The following FAM81A variants were observed in gnomAD, a reference collection of about 807,000 sequenced individuals.
FAM81A encodes protein FAM81A.
A neutral mutation model predicts 46.7 loss-of-function variants in FAM81A; 19 were observed. The observed-to-expected ratio is 0.41, with a 90% CI of 0.28 to 0.60. The LOEUF (loss-of-function observed/expected upper bound fraction) is 0.60, where lower values mean the gene tolerates loss of function less well. FAM81A is among the 20% of genes least tolerant of loss of function. FAM81A has a pLI of 0.34. For missense variants in FAM81A, 377 were observed against 453.5 expected (o/e 0.83, Z 1.53); for synonymous variants, 183 against 152.9 (o/e 1.20, Z -1.45).
At chr15:59,502,308 A>G (rs2082100195) in intron 4 of FAM81A, among the ~76,000 whole-genome samples, 1 of 151,752 alleles carries the variant, frequency 6.6e-6, no homozygotes, top group East Asian at 1.9e-4. Flanking sequence ...CATTAGGTAT[A>G]TCTCCTAAAG....
rs534083582 is a variant in FAM81A, at chr15:59,449,730, C to A, written c.-77-8820C>A. On this transcript the variant is annotated intron_variant, in intron 1 of 8. Transcript: ENST00000288228. ...CCGGGAAGCGGAGCTTGCAGTGAGC[C>A]GAGATCGCGCCACTGCACTCCAGCC... 2.8e-4 allele frequency among the ~76,000 whole-genome samples: 36 copies of A among 128,488 alleles called. 1 individual carries two copies. The South Asian group carries it at 8.6e-3, about 31-fold the overall frequency. 84.3% of individuals were successfully genotyped at this position (128,488 alleles called of 152,430 possible).
chr15:59,484,531 C>T (rs758331888), intron 3 of FAM81A, among the ~76,000 whole-genome samples: 18 of 152,164 alleles, frequency 1.2e-4, no homozygotes, highest in African/African-American at 1.4e-4. Context: ...CCACATGGCC[C>T]GGAGAGAGAA....
At chr15:59,417,391 A>AACAT (rs1192551974) in intron 2 of FAM81A, among the ~76,000 whole-genome samples, 5 of 151,860 alleles carry the variant, frequency 3.3e-5, no homozygotes, top group Non-Finnish European at 7.4e-5. Flanking sequence ...AAAACAAACA[A>AACAT]ACAAACAAAC....
At chr15:59,487,698 G>A (rs958758961) in intron 3 of FAM81A, among the ~76,000 whole-genome samples, 4 of 151,948 alleles carry the variant, frequency 2.6e-5, no homozygotes, top group African/African-American at 7.3e-5. Flanking sequence ...TACCACAATT[G>A]AATAATGAAG....
At chr15:59,452,911 C>T (rs1289226287) in intron 1 of FAM81A, among the ~76,000 whole-genome samples, 5 of 152,090 alleles carry the variant, frequency 3.3e-5, no homozygotes, top group African/African-American at 1.2e-4. Context: ...TGCAGGCATA[C>T]ACCAACATGC....
At chr15:59,412,135 T>C (rs982221104) in intron 2 of FAM81A, among the ~76,000 whole-genome samples, 1 of 152,052 alleles carries the variant, frequency 6.6e-6, no homozygotes, top group Non-Finnish European at 1.5e-5. Flanking sequence ...GATCTGCATG[T>C]GGGCCCAGCT....
intron 4 of FAM81A, among the ~76,000 whole-genome samples, chr15:59,492,640 C>T (rs889416292): frequency 6.6e-6 from 1 of 152,020 alleles, no homozygotes. Context: ...ACTCAGCTGA[C>T]CTTGTAATTT....
chr15:59,492,452 G>T, intron 4 of FAM81A, 63 bp downstream of exon 4: 1 of 1,246,342 alleles, frequency 8.0e-7, no homozygotes, highest in Non-Finnish European at 1.1e-6. Flanking sequence ...CTCCATTATA[G>T]TGGGGAATAT....
At position 59,519,950 on chromosome 15, in the gene FAM81A, T is replaced by A. The variant is rs190845311; in HGVS notation, c.983-1304T>A. Reference sequence around the variant, plus strand: ...CCAGTAGTGAGATTGCTGGGTCGTATGGTAGTTCTATTTTAAATTTCTTTA... The same window carrying A: ...CCAGTAGTGAGATTGCTGGGTCGTAAGGTAGTTCTATTTTAAATTTCTTTA... On this transcript the variant is annotated intron_variant, in intron 8 of 8. Coordinates refer to ENST00000288228, the MANE Select transcript of FAM81A (RefSeq NM_152450.3). Among the ~76,000 whole-genome samples the A allele has an allele frequency of 1.8e-3, 275 of 152,292 alleles. 1 individual carries two copies. The highest frequency in any genetic ancestry group is 6.3e-3 in the African/African-American group (260 of 41,562).
intron 1 of FAM81A, chr15:59,401,768 G>C: frequency 1.6e-6 from 1 of 628,706 alleles, no homozygotes; most frequent in Non-Finnish European, 2.8e-6. Context: ...AGTCTTTTCA[G>C]CATTTTTTTT....
At chr15:59,497,332 G>T (rs1361358521) in intron 4 of FAM81A, among the ~76,000 whole-genome samples, 1 of 151,502 alleles carries the variant, frequency 6.6e-6, no homozygotes, top group Non-Finnish European at 1.5e-5. Context: ...TGTAATCCCA[G>T]CTACTCGGGT....
intron 1 of FAM81A, among the ~76,000 whole-genome samples, chr15:59,453,799 A>G (rs1165145610): frequency 6.6e-6 from 1 of 152,054 alleles, no homozygotes; most frequent in Non-Finnish European, 1.5e-5. Context: ...GGAAGAGGGT[A>G]GGGAGGGAGG....
intron 1 of FAM81A, among the ~76,000 whole-genome samples, chr15:59,399,008 A>G (rs930562439): frequency 7.2e-5 from 11 of 152,018 alleles, no homozygotes; most frequent in Non-Finnish European, 1.6e-4. Context: ...TCTCTACTAA[A>G]AATACAAAAA....
intron 4 of FAM81A, among the ~76,000 whole-genome samples, chr15:59,504,063 T>C (rs1177390173): frequency 1.3e-5 from 2 of 152,246 alleles, no homozygotes; most frequent in African/African-American, 4.8e-5. Context: ...GATGTAGTGA[T>C]ACCTGATAGT....
chr15:59,483,417 CT>C (rs1482981273), intron 3 of FAM81A, among the ~76,000 whole-genome samples: 3 of 150,960 alleles, frequency 2.0e-5, no homozygotes, highest in African/African-American at 4.9e-5. Context: ...TTCCTAATTT[CT>C]TTTTTTTTAC....
chr15:59,484,240 A>G (rs1296411548), intron 3 of FAM81A, among the ~76,000 whole-genome samples: 2 of 152,268 alleles, frequency 1.3e-5, no homozygotes, highest in South Asian at 2.1e-4. Flanking sequence ...TCCAAGTGTC[A>G]CATAAAATTT....
chr15:59,398,827 CA>C, intron 1 of FAM81A, among the ~76,000 whole-genome samples: 1 of 148,526 alleles, frequency 6.7e-6, no homozygotes, highest in Non-Finnish European at 1.5e-5. Context: ...AAAACTTCAC[CA>C]TCCCTAGGGT....
At chr15:59,495,567 A>G (rs1197687902) in intron 4 of FAM81A, among the ~76,000 whole-genome samples, 2 of 152,198 alleles carry the variant, frequency 1.3e-5, no homozygotes, top group African/African-American at 2.4e-5. Context: ...TGATAACTCT[A>G]TATTCAACTT....
intron 1 of FAM81A, among the ~76,000 whole-genome samples, chr15:59,444,608 T>C (rs2081335264): frequency 6.6e-6 from 1 of 152,194 alleles, no homozygotes; most frequent in African/African-American, 2.4e-5. Flanking sequence ...CTGCCTCCTC[T>C]GGCTGTCTGG....
Sources: gnomAD v4.1 joint callset for allele counts (sites outside exome capture counted in the v4.1 genomes callset) on GRCh38, gnomAD v4.1.1 for gene constraint, MANE v1.5 for transcripts, NCBI Gene and HGNC (gene_info 2026-07-23, HGNC 2026-07-21) for gene names.